KLC1: variants seen among roughly 807,000 people sequenced by gnomAD.
KLC1 encodes the protein kinesin 2 60/70kDa.
A neutral mutation model predicts 84.2 loss-of-function variants in KLC1; 30 were observed. That is an observed-to-expected ratio of 0.36 (90% CI 0.27 to 0.48). The LOEUF (loss-of-function observed/expected upper bound fraction) is 0.48. Among genes scored for constraint, KLC1 ranks in the 20% least tolerant of loss-of-function variants. The probability of loss-of-function intolerance (pLI) is 0.99; values close to 1 mark genes in which losing one functional copy is unlikely to be tolerated. For missense variants in KLC1, 499 were observed against 805.4 expected (o/e 0.62, Z 4.60); for synonymous variants, 289 against 293.3 (o/e 0.99, Z 0.15).
Position 103,651,271 on chromosome 14 carries a change from G to A in KLC1, c.-1-3293G>A, listed in dbSNP as rs571483674. Among the ~76,000 whole-genome samples the A allele has an allele frequency of 3.3e-4, 51 of 152,310 alleles. No homozygotes were observed. The South Asian group carries it at 0.01, about 30-fold the overall frequency. ...GATCCGCCAGCCTCGGCCTCCCAGA[G>A]TGCTAGGATTACAGGCGTCGGCCAC... is the stretch of plus-strand genomic sequence containing the variant. On this transcript the variant is annotated intron_variant, in intron 1 of 16. Coordinates refer to ENST00000334553, the MANE Select transcript of KLC1 (RefSeq NM_001394837.1).
intron 16 of KLC1, 90 bp from the exon 17 acceptor site, chr14:103,701,111 G>A: frequency 6.8e-7 from 1 of 1,480,092 alleles, no homozygotes; most frequent in Non-Finnish European, 9.2e-7. Flanking sequence ...CTTGGGGTGG[G>A]GGTTCCCCAG....
intron 1 of KLC1, among the ~76,000 whole-genome samples, chr14:103,636,931 A>T (rs1418314511): frequency 2.0e-5 from 3 of 149,482 alleles, no homozygotes; most frequent in Non-Finnish European, 4.4e-5. Context: ...GGGTTTCACC[A>T]TGTTAGCCAG....
chr14:103,658,438 T>G (rs1367855393), intron 3 of KLC1, among the ~76,000 whole-genome samples: 2 of 144,158 alleles, frequency 1.4e-5, no homozygotes, highest in African/African-American at 2.6e-5. Context: ...GTTTTTTTTT[T>G]TTTTTTTTTT....
chr14:103,630,589 T>C (rs577219605), intron 1 of KLC1, among the ~76,000 whole-genome samples: 20 of 152,202 alleles, frequency 1.3e-4, no homozygotes, highest in Non-Finnish European at 2.4e-4. Flanking sequence ...CGGAATACAT[T>C]GCACTAGTTT....
chr14:103,693,886 T>A lies in KLC1; in HGVS notation c.1848+1461T>A. 7.5e-7 allele frequency: 1 copy of A among 1,338,436 alleles called. No homozygotes were observed. Among genetic ancestry groups the A allele is most frequent in the Non-Finnish European group, 9.6e-7 (1 of 1,045,972 alleles). The allele number at this position is 1,338,436 out of a possible 1,614,324, so 82.9% of individuals were successfully genotyped here. On this transcript the variant is annotated intron_variant, in intron 15 of 16. Transcript: ENST00000334553. This position sits in a 1 kb window ranked among gnomAD's most constrained non-coding sequence, Gnocchi z 5.1. ...CAGGGAGGCCGAGGTGGCGCTGAGG[T>A]GGCTTCAGCACGCTGGGGATTGGCT... is the stretch of plus-strand genomic sequence containing the variant.
At chr14:103,652,331 A>G (rs1016224147) in intron 1 of KLC1, among the ~76,000 whole-genome samples, 2 of 152,142 alleles carry the variant, frequency 1.3e-5, no homozygotes, top group Admixed American at 6.6e-5. Flanking sequence ...GGCCGGGGAT[A>G]TATCATGGAA....
chr14:103,665,897 G>C (rs1437390972), intron 5 of KLC1, among the ~76,000 whole-genome samples: 1 of 151,528 alleles, frequency 6.6e-6, no homozygotes, highest in Non-Finnish European at 1.5e-5. Flanking sequence ...CTATTCCGTT[G>C]GTGGAGATAG....
At chr14:103,684,614 C>T (rs547133074) in intron 13 of KLC1, among the ~76,000 whole-genome samples, 18 of 152,322 alleles carry the variant, frequency 1.2e-4, no homozygotes, top group African/African-American at 4.1e-4. Flanking sequence ...GCAGCTGGGT[C>T]GGACCCCAAT....
intron 1 of KLC1, among the ~76,000 whole-genome samples, chr14:103,634,887 C>G (rs553435791): frequency 1.3e-5 from 2 of 152,264 alleles, no homozygotes; most frequent in South Asian, 4.1e-4. Flanking sequence ...GGCCTGTTGC[C>G]TGTTTCCTGA....
At chr14:103,653,878 C>T (rs897791137) in intron 1 of KLC1, among the ~76,000 whole-genome samples, 5 of 152,218 alleles carry the variant, frequency 3.3e-5, no homozygotes, top group African/African-American at 1.2e-4. Flanking sequence ...GGCTGTCAGG[C>T]ACAACAGCAC....
intron 1 of KLC1, among the ~76,000 whole-genome samples, chr14:103,632,864 A>G (rs545105180): frequency 6.6e-6 from 1 of 151,884 alleles, no homozygotes; most frequent in East Asian, 1.9e-4. Context: ...CCAATCAGCC[A>G]GTGTCAGGGG....
intron 1 of KLC1, among the ~76,000 whole-genome samples, chr14:103,644,012 G>A (rs530952350): frequency 3.8e-4 from 58 of 151,994 alleles, no homozygotes; most frequent in African/African-American, 1.2e-3. Context: ...TCAGGAGATC[G>A]AGACCATCCT....
At chr14:103,663,079 C>G in intron 5 of KLC1, 152 bp downstream of exon 5, 1 of 533,456 alleles carries the variant, frequency 1.9e-6, no homozygotes. Flanking sequence ...AAATATTTAG[C>G]AAGCTTTTTT....
At chr14:103,699,880 A>T in intron 15 of KLC1, 1 of 439,892 alleles carries the variant, frequency 2.3e-6, no homozygotes, top group Non-Finnish European at 4.3e-6. Flanking sequence ...TCCTTTGCGC[A>T]GGCTCCTGAG....
At chr14:103,696,523 TTGGAGGA>T in intron 15 of KLC1, 1 of 985,488 alleles carries the variant, frequency 1.0e-6, no homozygotes. Context: ...TGGAATTTTC[TTGGAGGA>T]TGTCATTAGC....
rs1435774862 is a variant in KLC1, at chr14:103,701,242, G to GTGGCCCGGAGC, written c.*52_*62dup. ...CCGCTCCAGGATGGGACTGCCGAGT[G>GTGGCCCGGAGC]TGGCCCGGAGCTGGCCCGGGACAGC... is the stretch of plus-strand genomic sequence containing the variant. On this transcript the variant is annotated 3_prime_UTR_variant, in exon 17 of 17. Transcript: ENST00000334553. 4 of 1,547,334 alleles carry GTGGCCCGGAGC rather than the reference G, an allele frequency of 2.6e-6. No individual in the cohort carries two copies. The South Asian group carries it at 3.6e-5, about 14-fold the overall frequency.
intron 15 of KLC1, chr14:103,696,009 T>C (rs1329941139): frequency 2.0e-6 from 2 of 985,114 alleles, no homozygotes; most frequent in East Asian, 2.3e-4. Context: ...TCCCTCCTCC[T>C]GTGTGTGGTC....
In KLC1 at chr14:103,675,539, T is replaced by C. The variant is rs2080809712; in HGVS notation, c.1262-13T>C. ...AAGGATGCTCAACCTGTATGCTGTGTTTTCTTCCCTAGATGAAAATAAACC... is the reference window on the plus strand; with the variant it reads ...AAGGATGCTCAACCTGTATGCTGTGCTTTCTTCCCTAGATGAAAATAAACC... On this transcript the variant is annotated splice_polypyrimidine_tract_variant and intron_variant, in intron 9 of 16. Transcript: ENST00000334553. 6.2e-7 allele frequency: 1 copy of C among 1,609,788 alleles called. No homozygotes were observed.
chr14:103,660,802 CAATAAATA>C (rs147358285), intron 3 of KLC1, among the ~76,000 whole-genome samples: 6,053 of 151,074 alleles, frequency 0.04, 246 homozygotes, highest in East Asian at 0.23. Flanking sequence ...GAAAAACAAG[CAATAAATA>C]AATAAATAAA....
Sources: allele counts gnomAD v4.1 joint callset (sites outside exome capture counted in the v4.1 genomes callset), GRCh38; gene constraint gnomAD v4.1.1; non-coding constraint Gnocchi (gnomAD v3.1); transcripts MANE v1.5; gene names NCBI Gene and HGNC (gene_info 2026-07-23, HGNC 2026-07-21).